The following ASH1L variants were observed in gnomAD, a reference collection of about 807,000 sequenced individuals.
The protein encoded by ASH1L is ASH1 like histone lysine methyltransferase.
In ASH1L, 23 loss-of-function variants were observed where a neutral mutation model predicts 269.0. The ratio of observed to expected loss-of-function variants is 0.09; its 90% CI spans 0.06 to 0.12. The LOEUF (loss-of-function observed/expected upper bound fraction) is 0.12. ASH1L is among the 10% of genes least tolerant of loss of function. The probability of loss-of-function intolerance (pLI) is 1.00; values close to 1 mark genes in which losing one functional copy is unlikely to be tolerated. For missense variants in ASH1L, 2,912 were observed against 3,567.8 expected, an observed-to-expected ratio of 0.82 and a Z score of 4.68; for synonymous variants, 1,187 against 1,253.5, an observed-to-expected ratio of 0.95 and a Z score of 1.12.
chr1:155,469,629 T>C (rs1411729549), intron 3 of ASH1L, among the ~76,000 whole-genome samples: 1 of 152,240 alleles, frequency 6.6e-6, no homozygotes, highest in African/African-American at 2.4e-5. Context: ...GATCCATCTG[T>C]CCTACAAAAC....
At chr1:155,483,297 C>G (rs1013361698) in intron 2 of ASH1L, among the ~76,000 whole-genome samples, 2 of 152,066 alleles carry the variant, frequency 1.3e-5, no homozygotes, top group Admixed American at 1.3e-4. Flanking sequence ...AAATTTAATG[C>G]AATCTCAATA....
At chr1:155,381,597 C>T (rs764084259) in intron 7 of ASH1L, among the ~76,000 whole-genome samples, 7 of 151,896 alleles carry the variant, frequency 4.6e-5, no homozygotes, top group South Asian at 4.2e-4. Flanking sequence ...CTTGGCTGGG[C>T]GCAATGGTTC....
chr1:155,357,214 C>A (rs539275685), intron 15 of ASH1L, 102 bp downstream of exon 15: 18 of 667,164 alleles, frequency 2.7e-5, no homozygotes, highest in South Asian at 9.7e-5. Flanking sequence ...TGGCTTAAGA[C>A]AAAAGAAAGT....
chr1:155,404,011 G>A (rs531102947), intron 6 of ASH1L, among the ~76,000 whole-genome samples: 4 of 146,256 alleles, frequency 2.7e-5, no homozygotes, highest in Non-Finnish European at 4.5e-5. Flanking sequence ...AGCCAAGAAC[G>A]CACCATTGCA....
chr1:155,442,839 C>T (rs189821229), intron 4 of ASH1L, among the ~76,000 whole-genome samples: 41 of 152,242 alleles, frequency 2.7e-4, no homozygotes, highest in African/African-American at 8.7e-4. Flanking sequence ...CTGGAACAAT[C>T]TTTCTCCACA....
intron 6 of ASH1L, among the ~76,000 whole-genome samples, chr1:155,404,273 T>C (rs1269215484): frequency 6.6e-6 from 1 of 152,080 alleles, no homozygotes; most frequent in Non-Finnish European, 1.5e-5. Context: ...AGATGAACGC[T>C]TGAGTCTAGG....
intron 4 of ASH1L, among the ~76,000 whole-genome samples, chr1:155,439,769 C>A (rs1027212909): frequency 6.6e-6 from 1 of 151,908 alleles, no homozygotes; most frequent in Non-Finnish European, 1.5e-5. Flanking sequence ...ATTCATGGGT[C>A]ATACTTCTCC....
At chr1:155,396,316 T>A (rs1184663657) in intron 6 of ASH1L, 4 of 149,834 alleles carry the variant, frequency 2.7e-5, no homozygotes, top group African/African-American at 1.0e-4. Flanking sequence ...CAATTAATTC[T>A]TTTTTTTGTT....
At chr1:155,545,044 T>G (rs1409174658) in intron 1 of ASH1L, among the ~76,000 whole-genome samples, 5 of 151,284 alleles carry the variant, frequency 3.3e-5, no homozygotes, top group African/African-American at 1.2e-4. Context: ...TGGTGGTACA[T>G]GCCTGTAATC....
chr1:155,509,844 C>A (rs1668051734), intron 2 of ASH1L, among the ~76,000 whole-genome samples: 1 of 151,998 alleles, frequency 6.6e-6, no homozygotes, highest in Admixed American at 6.6e-5. Flanking sequence ...ACCATGTAGC[C>A]ATTTGGAAAG....
chr1:155,446,826 T>C (rs1663076950), intron 4 of ASH1L, among the ~76,000 whole-genome samples: 1 of 150,488 alleles, frequency 6.6e-6, no homozygotes, highest in Non-Finnish European at 1.5e-5. Flanking sequence ...GGTTTCATCG[T>C]GATCCTGACC....
Position 155,350,627 on chromosome 1 carries a change from ATT to A in ASH1L, c.7367-1033_7367-1032del, listed in dbSNP as rs983212759. ...CATTAACTGCCCTTAATTAATAGTA[ATT>A]TGTTTGGCTGGGAATGGGTGCGGTG... On this transcript the variant is annotated intron_variant, in intron 17 of 27. Coordinates refer to ENST00000392403, the MANE Select transcript of ASH1L (RefSeq NM_018489.3). Among the ~76,000 whole-genome samples, 3 of 152,128 alleles carry A rather than the reference ATT, an allele frequency of 2.0e-5. No homozygotes were observed. The East Asian group carries it at 5.8e-4, about 29-fold the overall frequency.
chr1:155,543,322 C>T (rs1223831754), intron 1 of ASH1L, among the ~76,000 whole-genome samples: 1 of 150,532 alleles, frequency 6.6e-6, no homozygotes, highest in African/African-American at 2.4e-5. Context: ...ACCAGCCTGG[C>T]CAACATGGTG....
intron 1 of ASH1L, among the ~76,000 whole-genome samples, chr1:155,548,605 TAG>T (rs1670990305): frequency 6.6e-6 from 1 of 152,234 alleles, no homozygotes; most frequent in Non-Finnish European, 1.5e-5. Context: ...TAGTACTTGT[TAG>T]AGTTTCTTAG....
intron 1 of ASH1L, among the ~76,000 whole-genome samples, chr1:155,538,842 T>A (rs1321727608): frequency 2.6e-5 from 4 of 152,096 alleles, no homozygotes; most frequent in Non-Finnish European, 5.9e-5. Context: ...TAATTTATTA[T>A]ACTACTTAAG....
chr1:155,441,575 G>C (rs970360514), intron 4 of ASH1L, among the ~76,000 whole-genome samples: 2 of 138,286 alleles, frequency 1.4e-5, no homozygotes, highest in Non-Finnish European at 1.5e-5. Context: ...GCATTCTCCT[G>C]CCTCAGCCTC....
chr1:155,352,971 G>T, intron 16 of ASH1L, 113 bp from the exon 17 acceptor site: 1 of 937,976 alleles, frequency 1.1e-6, no homozygotes, highest in Non-Finnish European at 1.6e-6. Flanking sequence ...TGATTAGGTA[G>T]ATTAGTGGGC....
At chr1:155,522,356 A>T (rs1668949309) in intron 1 of ASH1L, among the ~76,000 whole-genome samples, 1 of 152,248 alleles carries the variant, frequency 6.6e-6, no homozygotes, top group Non-Finnish European at 1.5e-5. Flanking sequence ...CTGAAAATAC[A>T]GTATTCAACA....
intron 3 of ASH1L, among the ~76,000 whole-genome samples, chr1:155,465,289 C>CAAAAAAAAAA (rs1171228344): frequency 2.1e-4 from 13 of 62,568 alleles, no homozygotes; most frequent in South Asian, 6.1e-4. Flanking sequence ...TACAAATTAG[C>CAAAAAAAAAA]AAAAAAAAAA....
Sources: allele counts gnomAD v4.1 joint callset (sites outside exome capture counted in the v4.1 genomes callset), GRCh38; gene constraint gnomAD v4.1.1; transcripts MANE v1.5; gene names NCBI Gene and HGNC (gene_info 2026-07-23, HGNC 2026-07-21).